Variants in ASF1B observed in about 807,000 individuals in gnomAD.
The protein encoded by ASF1B is anti-silencing function 1B histone chaperone, also known as histone chaperone ASF1B.
ASF1B carries 10 observed loss-of-function variants against 16.6 expected under a neutral mutation model. That is an observed-to-expected ratio of 0.60 (90% CI 0.37 to 1.02). The LOEUF (loss-of-function observed/expected upper bound fraction) is 1.02, where lower values mean the gene tolerates loss of function less well. Among genes scored for constraint, ASF1B ranks in the 50% least tolerant of loss-of-function variants. ASF1B has a pLI of 0.01. For synonymous variants in ASF1B, 101 were observed against 106.2 expected (o/e 0.95, Z 0.30); for missense variants, 240 against 266.0 (o/e 0.90, Z 0.68).
intron 1 of ASF1B, among the ~76,000 whole-genome samples, chr19:14,129,059 G>C: frequency 6.6e-6 from 1 of 152,020 alleles, no homozygotes; most frequent in East Asian, 1.9e-4. Context: ...AAATAAATGG[G>C]CCCCTGCAAC....
rs557695522 is a variant in ASF1B, at chr19:14,136,583, G to A, written c.-127C>T. ...CTCCCGCCTCTTCTCTCCGAGAACT[G>A]AAGTGCGCACCTAGTCCGCGCGCCG... On this transcript the variant is annotated 5_prime_UTR_variant, in exon 1 of 4. Transcript: ENST00000263382. The A allele has an allele frequency of 2.8e-6, 2 of 705,852 alleles. No homozygotes were observed. The highest frequency in any genetic ancestry group is 3.6e-5 in the African/African-American group (2 of 55,548). 43.7% of individuals were successfully genotyped at this position (705,852 alleles called of 1,614,324 possible).
At chr19:14,130,338 G>A (rs1234306618) in intron 1 of ASF1B, among the ~76,000 whole-genome samples, 3 of 151,944 alleles carry the variant, frequency 2.0e-5, no homozygotes, top group Non-Finnish European at 4.4e-5. Context: ...TGGGATTACA[G>A]GCATGAGCCA....
chr19:14,136,086 T>G, intron 1 of ASF1B, among the ~76,000 whole-genome samples: 1 of 132,770 alleles, frequency 7.5e-6, no homozygotes, highest in Non-Finnish European at 1.6e-5. Context: ...CACTGGGAGG[T>G]CCGAGTTAGC....
At chr19:14,133,953 G>A (rs111769635) in intron 1 of ASF1B, among the ~76,000 whole-genome samples, 1 of 151,692 alleles carries the variant, frequency 6.6e-6, no homozygotes, top group South Asian at 2.1e-4. Context: ...ACAGGCGCCC[G>A]CCACCACGCC....
intron 3 of ASF1B, chr19:14,121,200 A>T: frequency 4.8e-6 from 2 of 419,124 alleles, no homozygotes; most frequent in Non-Finnish European, 4.2e-6. Flanking sequence ...AGCTCACTGC[A>T]GCCTCAAACT....
intron 1 of ASF1B, among the ~76,000 whole-genome samples, chr19:14,131,076 C>T (rs1009050428): frequency 1.3e-5 from 2 of 151,860 alleles, no homozygotes; most frequent in African/African-American, 2.4e-5. Flanking sequence ...CAGGGTTTCA[C>T]CACATTGGCC....
At chr19:14,135,467 TA>T (rs1430583801) in intron 1 of ASF1B, among the ~76,000 whole-genome samples, 8 of 151,772 alleles carry the variant, frequency 5.3e-5, no homozygotes, top group Admixed American at 5.3e-4. Flanking sequence ...AGCTCAAGCA[TA>T]GGGGGGTTGG....
At chr19:14,123,372 T>C (rs1568543705) in intron 2 of ASF1B, among the ~76,000 whole-genome samples, 1 of 149,962 alleles carries the variant, frequency 6.7e-6, no homozygotes, top group East Asian at 1.9e-4. Context: ...TTGTTTTTTC[T>C]TTCTTCTTTT....
At chr19:14,135,127 G>A (rs1221859745) in intron 1 of ASF1B, among the ~76,000 whole-genome samples, 1 of 151,448 alleles carries the variant, frequency 6.6e-6, no homozygotes, top group Non-Finnish European at 1.5e-5. Context: ...GGGAGGCTGA[G>A]GCAGAAGAAT....
intron 1 of ASF1B, among the ~76,000 whole-genome samples, chr19:14,134,846 G>C (rs972727688): frequency 6.6e-6 from 1 of 151,848 alleles, no homozygotes; most frequent in African/African-American, 2.4e-5. Flanking sequence ...TCACAGCTCA[G>C]CCCAATCCAC....
chr19:14,126,305 G>A, intron 1 of ASF1B, 68 bp from the exon 2 acceptor site: 2 of 1,053,796 alleles, frequency 1.9e-6, no homozygotes, highest in African/African-American at 1.6e-5. Flanking sequence ...ATAGGCTCTT[G>A]TATTTTTTTT....
At chr19:14,122,500 G>A (rs1967255142) in intron 2 of ASF1B, among the ~76,000 whole-genome samples, 1 of 151,730 alleles carries the variant, frequency 6.6e-6, no homozygotes, top group South Asian at 2.1e-4. Flanking sequence ...CAAATAGCTG[G>A]GACAACGGTG....
At chr19:14,129,081 C>A (rs745823677) in intron 1 of ASF1B, among the ~76,000 whole-genome samples, 2 of 152,050 alleles carry the variant, frequency 1.3e-5, no homozygotes, top group African/African-American at 4.8e-5. Flanking sequence ...TAGGCAGACT[C>A]GACTCTATTA....
chr19:14,130,980 C>T (rs571250100), intron 1 of ASF1B, among the ~76,000 whole-genome samples: 5 of 151,954 alleles, frequency 3.3e-5, no homozygotes, highest in Non-Finnish European at 4.4e-5. Context: ...CGGGTTCAAG[C>T]GCTTCTCCTG....
intron 1 of ASF1B, among the ~76,000 whole-genome samples, chr19:14,130,982 C>T (rs1363801492): frequency 6.6e-6 from 1 of 151,260 alleles, no homozygotes; most frequent in African/African-American, 2.4e-5. Flanking sequence ...GGTTCAAGCG[C>T]TTCTCCTGCC....
intron 1 of ASF1B, among the ~76,000 whole-genome samples, chr19:14,134,638 A>T (rs1359802161): frequency 6.6e-6 from 1 of 152,178 alleles, no homozygotes; most frequent in Non-Finnish European, 1.5e-5. Flanking sequence ...AGGTGACCTT[A>T]GATTTTGGAT....
chr19:14,124,201 T>C (rs1967284725), intron 2 of ASF1B, among the ~76,000 whole-genome samples: 1 of 152,120 alleles, frequency 6.6e-6, no homozygotes, highest in Admixed American at 6.6e-5. Flanking sequence ...TCACCCAGAA[T>C]GCAGTGCAGA....
chr19:14,125,160 T>C (rs1364969010), intron 2 of ASF1B, among the ~76,000 whole-genome samples: 3 of 151,876 alleles, frequency 2.0e-5, no homozygotes, highest in Non-Finnish European at 4.4e-5. Context: ...AGAGACGGGG[T>C]TTCATCACAT....
intron 1 of ASF1B, among the ~76,000 whole-genome samples, chr19:14,132,711 G>A (rs560968766): frequency 6.6e-6 from 1 of 152,200 alleles, no homozygotes; most frequent in South Asian, 2.1e-4. Context: ...CCAACTACTT[G>A]GGATACTGAG....
Sources: allele counts gnomAD v4.1 joint callset (sites outside exome capture counted in the v4.1 genomes callset), GRCh38; gene constraint gnomAD v4.1.1; transcripts MANE v1.5; gene names NCBI Gene and HGNC (gene_info 2026-07-23, HGNC 2026-07-21).